CYP20A1: variants seen among roughly 807,000 people sequenced by gnomAD.
CYP20A1 encodes cytochrome P450 family 20 subfamily A member 1, also known as cytochrome P450 20A1.
CYP20A1 carries 61 observed loss-of-function variants against 61.4 expected under a neutral mutation model. That is an observed-to-expected ratio of 0.99 (90% confidence interval 0.81 to 1.23). The LOEUF (loss-of-function observed/expected upper bound fraction) is 1.23. Ranked by LOEUF, CYP20A1 falls within the 50% of genes most tolerant of loss-of-function variation. The pLI is 0.00. For missense variants in CYP20A1, 530 were observed against 542.4 expected, an observed-to-expected ratio of 0.98 and a Z score of 0.23; for synonymous variants, 193 against 188.2, an observed-to-expected ratio of 1.03 and a Z score of -0.21.
chr2:203,240,119 A>G (rs116441476), intron 1 of CYP20A1, among the ~76,000 whole-genome samples: 5,750 of 152,154 alleles, frequency 0.038, 356 homozygotes, highest in African/African-American at 0.13. Context: ...AAACAAACAA[A>G]AAACACCTGT....
chr2:203,293,661 G>A (rs1397764607), intron 11 of CYP20A1, among the ~76,000 whole-genome samples: 1 of 151,848 alleles, frequency 6.6e-6, no homozygotes, highest in East Asian at 1.9e-4. Flanking sequence ...CGTCACCCAA[G>A]CAGTGTACAC....
At chr2:203,291,478 G>A (rs2068527978) in intron 10 of CYP20A1, among the ~76,000 whole-genome samples, 1 of 152,124 alleles carries the variant, frequency 6.6e-6, no homozygotes. Context: ...GCTTTTCTCT[G>A]ATCATTGGAG....
rs1559111250 is a variant in CYP20A1, at chr2:203,296,636, T to C, written c.1238+73T>C. 3 of 1,403,528 alleles carry C rather than the reference T, an allele frequency of 2.1e-6. No homozygotes were observed. The South Asian group carries it at 4.0e-5, about 19-fold the overall frequency. The allele number at this position is 1,403,528 out of a possible 1,614,324, so 86.9% of individuals were successfully genotyped here. On this transcript the variant is annotated intron_variant, in intron 12 of 12. Transcript: ENST00000356079. ...TGTTGATGAGAATGGGCAATCTGTA[T>C]GATTAAAGTATTATTTTTTTATTAT...
intron 3 of CYP20A1, among the ~76,000 whole-genome samples, chr2:203,247,766 A>G (rs751771955): frequency 6.6e-6 from 1 of 152,146 alleles, no homozygotes; most frequent in Non-Finnish European, 1.5e-5. Flanking sequence ...CTGAGGCAAG[A>G]GAATTGCTTG....
intron 3 of CYP20A1, among the ~76,000 whole-genome samples, chr2:203,248,724 TC>T (rs942048401): frequency 6.6e-6 from 1 of 152,076 alleles, no homozygotes; most frequent in Admixed American, 6.6e-5. Flanking sequence ...CTTATTCTAT[TC>T]CCCCCGCCCC....
chr2:203,296,755 TA>T lies in CYP20A1; in HGVS notation c.1239-2del. Reference sequence around the variant, plus strand: ...GTAACTAATTGACTTTCTTCCTGACTAGGTTTGCATATATGGTGACCACAGT... The same window carrying T: ...GTAACTAATTGACTTTCTTCCTGACTGGTTTGCATATATGGTGACCACAGT... On this transcript the variant is annotated splice_acceptor_variant, in intron 12 of 12. Transcript: ENST00000356079. LOFTEE classifies it high-confidence loss of function. The T allele has an allele frequency of 6.3e-7, 1 of 1,578,430 alleles. No individual in the cohort carries two copies.
chr2:203,290,333 G>T (rs1043505832), intron 10 of CYP20A1, among the ~76,000 whole-genome samples: 1 of 152,142 alleles, frequency 6.6e-6, no homozygotes, highest in African/African-American at 2.4e-5. Context: ...AATAATATGT[G>T]CTTGTTTTAA....
intron 5 of CYP20A1, among the ~76,000 whole-genome samples, chr2:203,271,963 G>T (rs182057809): frequency 6.6e-6 from 1 of 152,076 alleles, no homozygotes; most frequent in East Asian, 1.9e-4. Context: ...GGAGGTGGAA[G>T]TTGCAGTCAG....
At chr2:203,271,152 A>G (rs373932914) in intron 5 of CYP20A1, among the ~76,000 whole-genome samples, 5 of 123,128 alleles carry the variant, frequency 4.1e-5, no homozygotes, top group African/African-American at 1.3e-4. Flanking sequence ...CAGTGGCGCC[A>G]TCTTGGCTAA....
At chr2:203,242,935 C>T (rs191787554) in intron 1 of CYP20A1, among the ~76,000 whole-genome samples, 1 of 152,276 alleles carries the variant, frequency 6.6e-6, no homozygotes, top group Non-Finnish European at 1.5e-5. Flanking sequence ...GTCAATTCCG[C>T]CCCTGAACCC....
At chr2:203,272,801 T>A in intron 6 of CYP20A1, 53 bp downstream of exon 6, 1 of 1,124,238 alleles carries the variant, frequency 8.9e-7, no homozygotes, top group Admixed American at 2.2e-5. Flanking sequence ...TGTGCCCCAG[T>A]TTTAATAAAG....
rs188281171 is a variant in CYP20A1, at chr2:203,281,438, G to A, written c.850+1325G>A. On this transcript the variant is annotated intron_variant, in intron 8 of 12. Coordinates refer to ENST00000356079, the MANE Select transcript of CYP20A1 (RefSeq NM_177538.3). ...GTGGGAGGATCACCTAAGCCCAGGA[G>A]GTTGAGGTTGCAGTGAGCCATGATT... Among the ~76,000 whole-genome samples the A allele has an allele frequency of 2.2e-3, 333 of 152,208 alleles. 5 individuals carry two copies. The highest frequency in any genetic ancestry group is 0.02 in the Admixed American group (309 of 15,288).
intron 4 of CYP20A1, among the ~76,000 whole-genome samples, chr2:203,257,469 T>A (rs545088281): frequency 6.6e-6 from 1 of 152,228 alleles, no homozygotes; most frequent in South Asian, 2.1e-4. Flanking sequence ...AGAGTATGCC[T>A]TATTAAATTT....
intron 1 of CYP20A1, among the ~76,000 whole-genome samples, chr2:203,241,498 A>G (rs888877987): frequency 2.0e-5 from 3 of 152,188 alleles, no homozygotes; most frequent in African/African-American, 7.2e-5. Context: ...TCCAATGTTA[A>G]TGGTTGAGGA....
chr2:203,280,012 G>A (rs774656220), intron 7 of CYP20A1, 47 bp from the exon 8 acceptor site: 52 of 1,381,732 alleles, frequency 3.8e-5, no homozygotes, highest in Non-Finnish European at 5.1e-5. Context: ...CCTAATATAG[G>A]CTACCTTACA....
intron 1 of CYP20A1, among the ~76,000 whole-genome samples, chr2:203,242,934 G>T (rs778319578): frequency 6.6e-6 from 1 of 151,856 alleles, no homozygotes; most frequent in Non-Finnish European, 1.5e-5. Context: ...TGTCAATTCC[G>T]CCCCTGAACC....
chr2:203,296,996 T>A lies in CYP20A1; in HGVS notation c.*88T>A. On this transcript the variant is annotated 3_prime_UTR_variant, in exon 13 of 13. Transcript: ENST00000356079. ...TATGTTGAATCCTTTTATAAACCAG[T>A]ATCACTTTGTAATATAAACACCTAT... 1.3e-6 allele frequency: 1 copy of A among 749,148 alleles called. No individual in the cohort carries two copies. The highest frequency in any genetic ancestry group is 2.1e-6 in the Non-Finnish European group (1 of 477,416). 46.4% of individuals were successfully genotyped at this position (749,148 alleles called of 1,614,324 possible).
rs2068928348 is a variant in CYP20A1, at chr2:203,299,198, A to G, written c.*2290A>G. Among the ~76,000 whole-genome samples the G allele has an allele frequency of 6.6e-6, 1 of 152,190 alleles. No homozygotes were observed. The highest frequency in any genetic ancestry group is 2.4e-5 in the African/African-American group (1 of 41,458). On this transcript the variant is annotated 3_prime_UTR_variant, in exon 13 of 13. Coordinates refer to ENST00000356079, the MANE Select transcript of CYP20A1 (RefSeq NM_177538.3). Reference sequence around the variant, plus strand: ...TTCTTTAAGACAGCCACTGTAGGAAATATGCCAAGTACAGATAGTGAGGAA... The same window carrying G: ...TTCTTTAAGACAGCCACTGTAGGAAGTATGCCAAGTACAGATAGTGAGGAA...
intron 4 of CYP20A1, among the ~76,000 whole-genome samples, chr2:203,263,556 G>A (rs1057387530): frequency 6.6e-6 from 1 of 152,132 alleles, no homozygotes; most frequent in African/African-American, 2.4e-5. Flanking sequence ...CCAAAATGCT[G>A]GAATTACCGG....
Sources: gnomAD v4.1 joint callset for allele counts (sites outside exome capture counted in the v4.1 genomes callset) on GRCh38, gnomAD v4.1.1 for gene constraint, MANE v1.5 for transcripts, NCBI Gene and HGNC (gene_info 2026-07-23, HGNC 2026-07-21) for gene names.